ERBB4: variants seen among roughly 807,000 people sequenced by gnomAD.
ERBB4 encodes the protein receptor tyrosine-protein kinase erbB-4.
ERBB4 carries 42 observed loss-of-function variants against 158.0 expected under a neutral mutation model. The observed-to-expected ratio is 0.27, with a 90% CI of 0.21 to 0.34. The LOEUF (loss-of-function observed/expected upper bound fraction) is 0.34, where lower values mean the gene tolerates loss of function less well. Ranked by LOEUF, ERBB4 falls within the 10% of genes least tolerant of loss-of-function variation. ERBB4 has a pLI of 1.00. For missense variants in ERBB4, 1,333 were observed against 1,624.1 expected, an observed-to-expected ratio of 0.82 and a Z score of 3.08; for synonymous variants, 583 against 558.7, an observed-to-expected ratio of 1.04 and a Z score of -0.61.
intron 3 of ERBB4, among the ~76,000 whole-genome samples, chr2:211,901,386 G>A (rs897861336): frequency 6.6e-6 from 1 of 152,122 alleles, no homozygotes; most frequent in Non-Finnish European, 1.5e-5. Context: ...AGCATGACAG[G>A]TGCATGGTGT....
intron 4 of ERBB4, among the ~76,000 whole-genome samples, chr2:211,780,587 C>T (rs1299212348): frequency 6.6e-6 from 1 of 152,072 alleles, no homozygotes; most frequent in African/African-American, 2.4e-5. Flanking sequence ...TGTCAAAGGC[C>T]TTCTATGGTG....
At chr2:212,009,911 C>G (rs976774891) in intron 2 of ERBB4, among the ~76,000 whole-genome samples, 1 of 152,156 alleles carries the variant, frequency 6.6e-6, no homozygotes, top group Non-Finnish European at 1.5e-5. Context: ...TAAAGAAATA[C>G]TCTCCTTCCT....
intron 1 of ERBB4, among the ~76,000 whole-genome samples, chr2:212,447,522 A>G (rs2092379489): frequency 6.6e-6 from 1 of 152,156 alleles, no homozygotes; most frequent in Non-Finnish European, 1.5e-5. Context: ...TTTCATAAAC[A>G]TTCTTAGGTA....
chr2:211,825,084 C>T (rs970502185), intron 3 of ERBB4, among the ~76,000 whole-genome samples: 3 of 151,668 alleles, frequency 2.0e-5, no homozygotes, highest in Non-Finnish European at 4.4e-5. Context: ...TTGCAGGAGA[C>T]CAGAACAGAT....
intron 1 of ERBB4, among the ~76,000 whole-genome samples, chr2:212,365,285 T>A (rs2089844937): frequency 6.6e-6 from 1 of 151,822 alleles, no homozygotes; most frequent in African/African-American, 2.4e-5. Context: ...AAATGATGTT[T>A]TCTTTTTACA....
intron 2 of ERBB4, among the ~76,000 whole-genome samples, chr2:212,067,841 T>G (rs776588691): frequency 3.3e-5 from 5 of 152,056 alleles, no homozygotes; most frequent in African/African-American, 9.7e-5. Flanking sequence ...TGCGGGTAAC[T>G]TGCAAATTGT....
chr2:212,024,037 T>C (rs2076718806), intron 2 of ERBB4, among the ~76,000 whole-genome samples: 1 of 151,944 alleles, frequency 6.6e-6, no homozygotes. Flanking sequence ...CCCAAAATTC[T>C]AATTAGATTG....
At chr2:211,764,752 A>G (rs954366262) in intron 4 of ERBB4, among the ~76,000 whole-genome samples, 1 of 151,524 alleles carries the variant, frequency 6.6e-6, no homozygotes, top group Non-Finnish European at 1.5e-5. Flanking sequence ...AAAGGAGGGA[A>G]GAGCACCCAA....
chr2:212,298,300 T>A (rs2086491382), intron 1 of ERBB4, among the ~76,000 whole-genome samples: 1 of 151,806 alleles, frequency 6.6e-6, no homozygotes, highest in African/African-American at 2.4e-5. Flanking sequence ...ACATCATGAA[T>A]AAATACAATC....
At chr2:212,248,500 G>A (rs1183125709) in intron 1 of ERBB4, among the ~76,000 whole-genome samples, 1 of 152,114 alleles carries the variant, frequency 6.6e-6, no homozygotes, top group East Asian at 1.9e-4. Flanking sequence ...TGGCCATGCT[G>A]TATATGATTC....
At chr2:212,466,340 G>T (rs1178435756) in intron 1 of ERBB4, among the ~76,000 whole-genome samples, 2 of 152,098 alleles carry the variant, frequency 1.3e-5, no homozygotes, top group Admixed American at 1.3e-4. Context: ...ACCAACTTTT[G>T]TATATACTTG....
chr2:212,087,072 G>C (rs2888038), intron 2 of ERBB4, among the ~76,000 whole-genome samples: 128,983 of 151,878 alleles, frequency 0.85, 56,248 homozygotes, highest in East Asian at 1. Context: ...GAGAAAGGGA[G>C]CTTAAAAAGA....
chr2:212,373,728 TATATATATCC>T (rs1207010171), intron 1 of ERBB4, among the ~76,000 whole-genome samples: 22 of 146,808 alleles, frequency 1.5e-4, no homozygotes, highest in African/African-American at 5.0e-4. Flanking sequence ...TATATCCATA[TATATATATCC>T]ATATATATAT....
chr2:211,396,437 TTTAGAG>T (rs1461329567), intron 25 of ERBB4, among the ~76,000 whole-genome samples: 2 of 152,022 alleles, frequency 1.3e-5, no homozygotes, highest in African/African-American at 4.8e-5. Context: ...CTATTTAGAG[TTTAGAG>T]TTATTTACTG....
rs760146737 is a variant in ERBB4 at position 211,725,200 on chromosome 2, G to T, written c.623-6C>A. ...TGCACACACCGTCCTTGTCACTGCA[G>T]AAGACAGAGATAGGACCATGATCAA... is the stretch of plus-strand genomic sequence containing the variant. On this transcript the variant is annotated splice_polypyrimidine_tract_variant and splice_region_variant and intron_variant, in intron 5 of 27. Coordinates refer to ENST00000342788, the MANE Select transcript of ERBB4 (RefSeq NM_005235.3). The T allele has an allele frequency of 6.2e-7, 1 of 1,602,980 alleles. No individual in the cohort carries two copies. Among genetic ancestry groups the T allele is most frequent in the African/African-American group, 1.3e-5 (1 of 74,762 alleles).
At chr2:212,396,041 T>C (rs759000635) in intron 1 of ERBB4, among the ~76,000 whole-genome samples, 1 of 152,170 alleles carries the variant, frequency 6.6e-6, no homozygotes, top group Non-Finnish European at 1.5e-5. Context: ...TGGTTTTATG[T>C]GCTTTAGGAT....
At chr2:211,661,810 CG>C (rs2071430047) in intron 15 of ERBB4, among the ~76,000 whole-genome samples, 1 of 151,288 alleles carries the variant, frequency 6.6e-6, no homozygotes, top group South Asian at 2.1e-4. Context: ...GAGGCCGAGG[CG>C]GGCGGATCAC....
intron 18 of ERBB4, among the ~76,000 whole-genome samples, chr2:211,619,860 T>G (rs1204672325): frequency 6.6e-6 from 1 of 152,164 alleles, no homozygotes; most frequent in Non-Finnish European, 1.5e-5. Context: ...TGAGCACATA[T>G]TAATTTGTCT....
At chr2:211,387,884 G>GA in intron 26 of ERBB4, 61 bp downstream of exon 26, 1 of 1,278,122 alleles carries the variant, frequency 7.8e-7, no homozygotes, top group Non-Finnish European at 1.1e-6. Context: ...GACGAGAGAG[G>GA]AAACATGGTA....
Sources: allele counts gnomAD v4.1 joint callset (sites outside exome capture counted in the v4.1 genomes callset), GRCh38; gene constraint gnomAD v4.1.1; transcripts MANE v1.5; gene names NCBI Gene and HGNC (gene_info 2026-07-23, HGNC 2026-07-21).